The following SLC25A26 variants were observed in gnomAD, a reference collection of about 807,000 sequenced individuals.
SLC25A26 encodes the protein solute carrier family 25 member 26, also known as mitochondrial S-adenosylmethionine carrier protein.
In SLC25A26, 36 loss-of-function variants were observed where a neutral mutation model predicts 37.8. The ratio of observed to expected loss-of-function variants is 0.95; its 90% confidence interval spans 0.73 to 1.26. The LOEUF is 1.26. SLC25A26 is among the 50% of genes most tolerant of loss of function. SLC25A26 has a pLI of 0.00. For synonymous variants in SLC25A26, 129 were observed against 122.5 expected (o/e 1.05, Z -0.35); for missense variants, 390 against 331.1 (o/e 1.18, Z -1.38).
At chr3:66,338,547 A>G (rs1045700455) in intron 5 of SLC25A26, among the ~76,000 whole-genome samples, 7 of 152,018 alleles carry the variant, frequency 4.6e-5, no homozygotes, top group Admixed American at 4.6e-4. Context: ...CCACTACCAT[A>G]ATCATAATAT....
intron 3 of SLC25A26, among the ~76,000 whole-genome samples, chr3:66,250,651 TATG>T (rs944677581): frequency 2.6e-5 from 4 of 152,054 alleles, no homozygotes; most frequent in Admixed American, 1.3e-4. Context: ...GTTTTCAACT[TATG>T]ATGGGTTTAT....
chr3:66,361,284 A>G (rs1383105316), intron 6 of SLC25A26, among the ~76,000 whole-genome samples: 6 of 152,362 alleles, frequency 3.9e-5, no homozygotes, highest in East Asian at 1.9e-4. Flanking sequence ...ACCTGAAAGC[A>G]TAAAATTTCT....
intron 2 of SLC25A26, among the ~76,000 whole-genome samples, chr3:66,237,834 G>A (rs781785113): frequency 4.6e-5 from 7 of 152,088 alleles, no homozygotes; most frequent in Admixed American, 6.5e-5. Context: ...GATTGCTTTT[G>A]TTTTTCGCAG....
At chr3:66,353,577 A>G (rs1056613776) in intron 6 of SLC25A26, among the ~76,000 whole-genome samples, 1 of 152,222 alleles carries the variant, frequency 6.6e-6, no homozygotes, top group Non-Finnish European at 1.5e-5. Flanking sequence ...AAAGTTGATA[A>G]AAAGTTGAGG....
rs535992410 is a variant in SLC25A26, at chr3:66,265,641, A to G, written c.453+2262A>G. 2.3e-4 allele frequency among the ~76,000 whole-genome samples: 35 copies of G among 152,352 alleles called. No homozygotes were observed. The South Asian group carries it at 6.2e-3, about 27-fold the overall frequency. Reference sequence around the variant, plus strand: ...TTTTTGTTTTTAACTAGAGATAACAATCTTCTTTATGACATACCAACACTG... The same window carrying G: ...TTTTTGTTTTTAACTAGAGATAACAGTCTTCTTTATGACATACCAACACTG... On this transcript the variant is annotated intron_variant, in intron 5 of 9. Transcript: ENST00000354883.
At chr3:66,195,197 C>A (rs1234811729) in intron 1 of SLC25A26, among the ~76,000 whole-genome samples, 1 of 152,238 alleles carries the variant, frequency 6.6e-6, no homozygotes, top group Non-Finnish European at 1.5e-5. Flanking sequence ...GTAGCCTCCG[C>A]CCCATACCCC....
Position 66,378,684 on chromosome 3 carries a change from G to GGAGC in SLC25A26, c.*878_*881dup, listed in dbSNP as rs1378053668. Reference sequence around the variant, plus strand: ...GGAATCTAGCAGTGTTGTCTGCCCTGGAGCAAACAAACAGTATGTGATTTT... The same window carrying GGAGC: ...GGAATCTAGCAGTGTTGTCTGCCCTGGAGCGAGCAAACAAACAGTATGTGATTTT... On this transcript the variant is annotated 3_prime_UTR_variant, in exon 10 of 10. Coordinates refer to ENST00000354883, the MANE Select transcript of SLC25A26 (RefSeq NM_001379210.1). 1 of 152,414 alleles carries GGAGC rather than the reference G, an allele frequency of 6.6e-6. No homozygotes were observed. The highest frequency in any genetic ancestry group is 1.5e-5 in the Non-Finnish European group (1 of 68,018). 9.4% of individuals were successfully genotyped at this position (152,414 alleles called of 1,614,324 possible). A position where few individuals can be genotyped will look rare whatever the true frequency, so the allele number is the denominator to read the frequency against.
intron 1 of SLC25A26, among the ~76,000 whole-genome samples, chr3:66,208,861 T>A (rs1306523159): frequency 3.1e-5 from 1 of 32,404 alleles, no homozygotes; most frequent in African/African-American, 5.7e-5. Context: ...TACCTTTATA[T>A]GGGTGTGTGT....
Position 66,262,031 on chromosome 3 carries a change from T to C in SLC25A26, c.301-20T>C. The C allele has an allele frequency of 4.9e-6, 7 of 1,442,224 alleles. No homozygotes were observed. The highest frequency in any genetic ancestry group is 6.6e-6 in the Non-Finnish European group (7 of 1,054,300). The allele number at this position is 1,442,224 out of a possible 1,614,324, so 89.3% of individuals were successfully genotyped here. A position where few individuals can be genotyped will look rare whatever the true frequency, so the allele number is the denominator to read the frequency against. On this transcript the variant is annotated intron_variant, in intron 3 of 9. Coordinates refer to ENST00000354883, the MANE Select transcript of SLC25A26 (RefSeq NM_001379210.1). Reference sequence around the variant, plus strand: ...TAGCAGTTATTTACTTTTTAGGATATAATCAAATTTGTCTTTTAGGTTGCC... The same window carrying C: ...TAGCAGTTATTTACTTTTTAGGATACAATCAAATTTGTCTTTTAGGTTGCC...
chr3:66,333,521 G>A (rs531169113), intron 5 of SLC25A26, among the ~76,000 whole-genome samples: 107 of 152,182 alleles, frequency 7.0e-4, no homozygotes, highest in African/African-American at 2.5e-3. Flanking sequence ...TAATTTTTCC[G>A]ACTCATACTG....
chr3:66,328,313 C>G (rs1339953651), intron 5 of SLC25A26, among the ~76,000 whole-genome samples: 1 of 152,064 alleles, frequency 6.6e-6, no homozygotes, highest in Non-Finnish European at 1.5e-5. Context: ...CTACTTTCCC[C>G]GATAACTTGA....
At chr3:66,160,084 C>A (rs2070336587) in intron 1 of SLC25A26, among the ~76,000 whole-genome samples, 1 of 152,072 alleles carries the variant, frequency 6.6e-6, no homozygotes, top group Non-Finnish European at 1.5e-5. Context: ...CTCACTGCAA[C>A]CTCTGCCTCT....
At chr3:66,209,741 GAT>G (rs1411695104) in intron 1 of SLC25A26, among the ~76,000 whole-genome samples, 1 of 129,788 alleles carries the variant, frequency 7.7e-6, no homozygotes, top group Admixed American at 8.2e-5. Flanking sequence ...TATTGGTATG[GAT>G]ATATATATAC....
Position 66,238,145 on chromosome 3 carries a change from C to G in SLC25A26, c.190+1445C>G, listed in dbSNP as rs150998533. Among the ~76,000 whole-genome samples the G allele has an allele frequency of 3.1e-3, 471 of 152,232 alleles. 3 individuals are homozygous for G. Among genetic ancestry groups the G allele is most frequent in the East Asian group, 0.016 (85 of 5,168 alleles). On this transcript the variant is annotated intron_variant, in intron 2 of 9. Coordinates refer to ENST00000354883, the MANE Select transcript of SLC25A26 (RefSeq NM_001379210.1). ...AGGGGCATGGGTTCCCCAATTTGTC[C>G]ACTTTGGAATCACCTGATTACTGAA...
At chr3:66,267,058 A>G (rs1442018736) in intron 5 of SLC25A26, among the ~76,000 whole-genome samples, 3 of 152,164 alleles carry the variant, frequency 2.0e-5, no homozygotes, top group Non-Finnish European at 4.4e-5. Flanking sequence ...ACTACAAGGA[A>G]CATTTCTGCC....
intron 5 of SLC25A26, among the ~76,000 whole-genome samples, chr3:66,267,897 G>A (rs149566331): frequency 1.3e-5 from 2 of 152,238 alleles, no homozygotes; most frequent in East Asian, 1.9e-4. Context: ...GGCTGGAAAC[G>A]GGAACCTTCA....
rs530545447 is a variant in SLC25A26 at position 66,249,537 on chromosome 3, A to G, written c.300+6225A>G. On this transcript the variant is annotated intron_variant, in intron 3 of 9. Transcript: ENST00000354883. ...TATCATGCTTTAAAAATGAGTACGT[A>G]GTATTCTTCATGATCTTCACTGGCC... Among the ~76,000 whole-genome samples the G allele has an allele frequency of 2.0e-5, 3 of 152,342 alleles. 1 individual carries two copies. The highest frequency in any genetic ancestry group is 4.1e-4 in the South Asian group (2 of 4,826).
chr3:66,142,597 T>G (rs190930414), intron 1 of SLC25A26, among the ~76,000 whole-genome samples: 315 of 152,280 alleles, frequency 2.1e-3, no homozygotes, highest in Non-Finnish European at 3.8e-3. Flanking sequence ...TCTCCCTAGT[T>G]GATTACTATC....
At chr3:66,369,039 AAAAACAAAAACAAAAAAAAAAAAC>A (rs1241165408) in intron 7 of SLC25A26, among the ~76,000 whole-genome samples, 10 of 23,590 alleles carry the variant, frequency 4.2e-4, no homozygotes, top group African/African-American at 1.6e-3. Context: ...AAAAAAAAAA[AAAAACAAAAACAAAAAAAAAAAAC>A]AAAAGACAGT....
Sources: gnomAD v4.1 joint callset for allele counts (sites outside exome capture counted in the v4.1 genomes callset) on GRCh38, gnomAD v4.1.1 for gene constraint, MANE v1.5 for transcripts, NCBI Gene and HGNC (gene_info 2026-07-23, HGNC 2026-07-21) for gene names.